The following KCNAB2 variants were observed in gnomAD, a reference collection of about 807,000 sequenced individuals.
The protein encoded by KCNAB2 is voltage-gated potassium channel subunit beta-2.
A neutral mutation model predicts 63.6 loss-of-function variants in KCNAB2; 29 were observed. That is an observed-to-expected ratio of 0.46 (90% confidence interval 0.34 to 0.62). The LOEUF is 0.62. Among genes scored for constraint, KCNAB2 ranks in the 20% least tolerant of loss-of-function variants. The pLI is 0.01. For synonymous variants in KCNAB2, 222 were observed against 224.2 expected (o/e 0.99, Z 0.09); for missense variants, 359 against 563.9 (o/e 0.64, Z 3.68).
chr1:6,091,618 AC>A (rs1193487439), intron 10 of KCNAB2, among the ~76,000 whole-genome samples: 2 of 150,916 alleles, frequency 1.3e-5, no homozygotes, highest in African/African-American at 4.9e-5. Flanking sequence ...TGTGATCCCC[AC>A]CTGGAGCCTT....
rs1210969890 is a variant in KCNAB2 at position 6,091,305 on chromosome 1, A to G, written c.644A>G (p.Glu215Gly). ...TCCAAGTCAAGGACATTCATCATAG[A>G]AGGTACACAGTGCCCCCAGCCTGAC... ...SSSKSRTFII[E>G]ETVRAMTHVI... Residue 215 changes from glutamate (E) to glycine (G), a missense_variant and splice_region_variant, in exon 10 of 16, where the codon GAA becomes GGA. This residue lies in a region of KCNAB2 where 271 missense variants were observed against 476.1 expected (regional missense o/e 0.57). Coordinates refer to ENST00000378083, the MANE Select transcript of KCNAB2 (RefSeq NM_001199862.2). The G allele has an allele frequency of 6.5e-7, 1 of 1,530,952 alleles. No individual in the cohort carries two copies. Among genetic ancestry groups the G allele is most frequent in the Admixed American group, 2.0e-5 (1 of 50,966 alleles). The allele number at this position is 1,530,952 out of a possible 1,614,324, so 94.8% of individuals were successfully genotyped here. A position where few individuals can be genotyped will look rare whatever the true frequency, so the allele number is the denominator to read the frequency against.
intron 2 of KCNAB2, among the ~76,000 whole-genome samples, chr1:6,062,161 A>C (rs1473088855): frequency 2.6e-5 from 4 of 152,194 alleles, no homozygotes; most frequent in African/African-American, 9.6e-5. Context: ...AAAAATACAA[A>C]AAATTAGCCG....
intron 1 of KCNAB2, among the ~76,000 whole-genome samples, chr1:6,019,595 C>T (rs745957865): frequency 5.9e-5 from 9 of 152,194 alleles, no homozygotes; most frequent in African/African-American, 1.7e-4. Context: ...ACTGGAGCAC[C>T]GGACTCCCTG....
intron 1 of KCNAB2, chr1:6,007,695 T>C (rs993025845): frequency 6.6e-6 from 1 of 152,310 alleles, no homozygotes; most frequent in Non-Finnish European, 1.5e-5. Context: ...CTCCTTTTAC[T>C]GTGGATGCTT....
At chr1:6,008,243 C>A (rs866991328) in intron 1 of KCNAB2, among the ~76,000 whole-genome samples, 1 of 152,306 alleles carries the variant, frequency 6.6e-6, no homozygotes, top group African/African-American at 2.4e-5. Context: ...ACCCGCCCCC[C>A]CATCACCCTG....
intron 1 of KCNAB2, among the ~76,000 whole-genome samples, chr1:5,997,783 A>G (rs768871842): frequency 6.6e-6 from 1 of 152,268 alleles, no homozygotes; most frequent in Admixed American, 6.5e-5. Context: ...GTAAGGAATA[A>G]CTAGAATGCA....
intron 1 of KCNAB2, among the ~76,000 whole-genome samples, chr1:6,020,359 G>A (rs1376518108): frequency 6.6e-6 from 1 of 152,152 alleles, no homozygotes; most frequent in Non-Finnish European, 1.5e-5. Context: ...ACCTGCTGCA[G>A]TACAGCCTCC....
intron 2 of KCNAB2, among the ~76,000 whole-genome samples, chr1:6,056,769 C>T (rs1006250917): frequency 7.9e-5 from 12 of 152,338 alleles, no homozygotes; most frequent in African/African-American, 1.9e-4. Flanking sequence ...ACAGGGTCAT[C>T]GCACTTTCTG....
At chr1:6,094,935 A>T (rs1237182431) in intron 11 of KCNAB2, among the ~76,000 whole-genome samples, 1 of 152,330 alleles carries the variant, frequency 6.6e-6, no homozygotes, top group South Asian at 2.1e-4. Flanking sequence ...ACCCTCTCAC[A>T]TGCAATCCTC....
At position 6,078,570 on chromosome 1, in the gene KCNAB2, T is replaced by C. The variant is rs1302951723; in HGVS notation, c.301-3625T>C. 4.6e-5 allele frequency among the ~76,000 whole-genome samples: 7 copies of C among 151,886 alleles called. No homozygotes were observed. Among genetic ancestry groups the C allele is most frequent in the Non-Finnish European group, 7.4e-5 (5 of 67,970 alleles). ...CAAGGCACAGCCCTAAGGCCGAGTG[T>C]TGGGGAGAAGGGGATGCAGGGGATA... On this transcript the variant is annotated intron_variant, in intron 4 of 15. Transcript: ENST00000378083. The surrounding 1 kb of genome is among the most constrained non-coding windows in gnomAD (Gnocchi z 4.2).
Position 6,073,870 on chromosome 1 carries a change from G to GGCTGCTGCGCTGGCT in KCNAB2, c.300+100_300+101insGCTGCTGCGCTGGCT. The GGCTGCTGCGCTGGCT allele has an allele frequency of 2.5e-6, 3 of 1,223,980 alleles. No individual in the cohort carries two copies. Among genetic ancestry groups the GGCTGCTGCGCTGGCT allele is most frequent in the Non-Finnish European group, 3.6e-6 (3 of 830,178 alleles). The allele number at this position is 1,223,980 out of a possible 1,614,324, so 75.8% of individuals were successfully genotyped here. On this transcript the variant is annotated intron_variant, in intron 4 of 15. Coordinates refer to ENST00000378083, the MANE Select transcript of KCNAB2 (RefSeq NM_001199862.2). The surrounding 1 kb of genome is among the most constrained non-coding windows in gnomAD (Gnocchi z 5.7). ...GACCAGTGAGCACGTGCTCCCGGGA[G>GGCTGCTGCGCTGGCT]CCAGCGCAGCAGCCTCCCTCCCTCT... is the stretch of plus-strand genomic sequence containing the variant.
rs551491698 is a variant in KCNAB2, at chr1:6,046,677, G to A, written c.-27+494G>A. 3.9e-4 allele frequency among the ~76,000 whole-genome samples: 60 copies of A among 152,338 alleles called. 1 individual carries two copies. Among genetic ancestry groups the A allele is most frequent in the Non-Finnish European group, 6.9e-4 (47 of 68,028 alleles). On this transcript the variant is annotated intron_variant, in intron 1 of 15. Transcript: ENST00000378083. The stretch of plus-strand genomic sequence containing the variant: ...ATTGTCCTTGAGCGAAAATCATTCT[G>A]TGTTTGCACTGAAGCAATGCCGTGT...
In KCNAB2 at chr1:6,045,889, G is replaced by A. The variant is rs976758911; in HGVS notation, c.-321G>A. 1.0e-6 allele frequency: 1 copy of A among 985,360 alleles called. No homozygotes were observed. The highest frequency in any genetic ancestry group is 4.7e-5 in the South Asian group (1 of 21,294). The allele number at this position is 985,360 out of a possible 1,614,324, so 61.0% of individuals were successfully genotyped here. On this transcript the variant is annotated 5_prime_UTR_variant, in exon 1 of 16. Transcript: ENST00000378083. This position sits in a 1 kb window ranked among gnomAD's most constrained non-coding sequence, Gnocchi z 4.8. Reference sequence around the variant, plus strand: ...TGCACCCCAACCCCACGCACCGGGAGTCAGCCTTGCCAGGTTGCAGCACGG... The same window carrying A: ...TGCACCCCAACCCCACGCACCGGGAATCAGCCTTGCCAGGTTGCAGCACGG...
rs1391763700 is a variant in KCNAB2 at position 6,101,139 on chromosome 1, AC to A, written c.*2567del. 6.6e-6 allele frequency: 1 copy of A among 152,042 alleles called. No individual in the cohort carries two copies. The highest frequency in any genetic ancestry group is 1.5e-5 in the Non-Finnish European group (1 of 68,030). 9.4% of individuals were successfully genotyped at this position (152,042 alleles called of 1,614,324 possible). ...ACGAGACTCAGACCGCGACACAGCC[AC>A]CGTATTTATGGAATGACAAAATAAA... On this transcript the variant is annotated 3_prime_UTR_variant, in exon 16 of 16. Coordinates refer to ENST00000378083, the MANE Select transcript of KCNAB2 (RefSeq NM_001199862.2).
chr1:6,027,640 A>G (rs545272876), intron 1 of KCNAB2, among the ~76,000 whole-genome samples: 82 of 152,348 alleles, frequency 5.4e-4, no homozygotes, highest in Non-Finnish European at 9.0e-4. Context: ...TAATCAGGGA[A>G]CAGGCATTGA....
intron 1 of KCNAB2, among the ~76,000 whole-genome samples, chr1:6,005,067 G>GGGGGTTGT (rs1557921321): frequency 2.6e-4 from 9 of 34,066 alleles, no homozygotes; most frequent in East Asian, 5.3e-4. Context: ...GGGTAGAGTG[G>GGGGGTTGT]GGGACATGGA....
At position 6,099,768 on chromosome 1, in the gene KCNAB2, A is replaced by C. The variant is rs1665908130; in HGVS notation, c.*1194A>C. 6 of 1,463,456 alleles carry C rather than the reference A, an allele frequency of 4.1e-6. No individual in the cohort carries two copies. Among genetic ancestry groups the C allele is most frequent in the Middle Eastern group, 2.4e-4 (1 of 4,202 alleles). 90.7% of individuals were successfully genotyped at this position (1,463,456 alleles called of 1,614,324 possible). A position where few individuals can be genotyped will look rare whatever the true frequency, so the allele number is the denominator to read the frequency against. Reference sequence around the variant, plus strand: ...AGACCTCAGGGAACCTCTCCCTGGAAAGACGGGCAGGGCTGGTTAGCCCCT... The same window carrying C: ...AGACCTCAGGGAACCTCTCCCTGGACAGACGGGCAGGGCTGGTTAGCCCCT... On this transcript the variant is annotated 3_prime_UTR_variant, in exon 16 of 16. Coordinates refer to ENST00000378083, the MANE Select transcript of KCNAB2 (RefSeq NM_001199862.2).
At chr1:6,084,849 CA>C (rs1479695999) in intron 5 of KCNAB2, among the ~76,000 whole-genome samples, 1 of 152,122 alleles carries the variant, frequency 6.6e-6, no homozygotes, top group Admixed American at 6.5e-5. Context: ...AAATTTTGCC[CA>C]CCTAATGTTG....
chr1:6,014,151 T>C (rs911753870), intron 1 of KCNAB2, among the ~76,000 whole-genome samples: 3 of 152,228 alleles, frequency 2.0e-5, no homozygotes, highest in Non-Finnish European at 4.4e-5. Context: ...CGCCAGCAGC[T>C]CTGACATCGC....
Sources: allele counts gnomAD v4.1 joint callset (sites outside exome capture counted in the v4.1 genomes callset), GRCh38; gene constraint gnomAD v4.1.1; regional missense constraint gnomAD v4.1.1; non-coding constraint Gnocchi (gnomAD v3.1); transcripts MANE v1.5; gene names NCBI Gene and HGNC (gene_info 2026-07-23, HGNC 2026-07-21).